PRKD3: variants seen among roughly 807,000 people sequenced by gnomAD.
The protein encoded by PRKD3 is protein kinase D3.
In PRKD3, 47 loss-of-function variants were observed where a neutral mutation model predicts 99.2. The ratio of observed to expected loss-of-function variants is 0.47; its 90% confidence interval spans 0.38 to 0.60. The LOEUF is 0.60. Ranked by LOEUF, PRKD3 falls within the 20% of genes least tolerant of loss-of-function variation. The pLI is 0.00. For missense variants in PRKD3, 1,019 were observed against 1,088.4 expected (o/e 0.94, Z 0.90); for synonymous variants, 392 against 355.4 (o/e 1.10, Z -1.16).
intron 9 of PRKD3, 47 bp from the exon 10 acceptor site, chr2:37,275,891 C>A: frequency 6.3e-7 from 1 of 1,578,482 alleles, no homozygotes; most frequent in African/African-American, 1.4e-5. Flanking sequence ...AATGATTCCT[C>A]CAAAGTGCTT....
rs867660713 is a variant in PRKD3, at chr2:37,299,480, T to G, written c.289-6209A>C. On this transcript the variant is annotated intron_variant, in intron 2 of 18. Transcript: ENST00000234179. ...GCTCAGGAGTTCGAGACTAGCCTGG[T>G]CAACATGGTGAAACCCCACCTCTAC... Among the ~76,000 whole-genome samples the G allele has an allele frequency of 2.7e-5, 4 of 149,098 alleles. 1 individual carries two copies. Among genetic ancestry groups the G allele is most frequent in the East Asian group, 2.0e-4 (1 of 5,072 alleles).
chr2:37,324,216 A>G, intron 1 of PRKD3: 1 of 985,492 alleles, frequency 1.0e-6, no homozygotes, highest in East Asian at 1.1e-4. Context: ...GACGACTACA[A>G]CGCAAAGTGA....
Position 37,302,951 on chromosome 2 carries a change from C to T in PRKD3, c.289-9680G>A, listed in dbSNP as rs1178574206. Among the ~76,000 whole-genome samples, 6 of 152,250 alleles carry T rather than the reference C, an allele frequency of 3.9e-5. No individual in the cohort carries two copies. The South Asian group carries it at 6.2e-4, about 16-fold the overall frequency. On this transcript the variant is annotated intron_variant, in intron 2 of 18. Coordinates refer to ENST00000234179, the MANE Select transcript of PRKD3 (RefSeq NM_005813.6). ...ACTTCTATCTCTGTTTGCCTGCTCT[C>T]TCCTGATTGGTTCTTTCTAAATGTC...
chr2:37,307,308 GAAAT>G (rs1179880123), intron 2 of PRKD3, among the ~76,000 whole-genome samples: 1 of 152,192 alleles, frequency 6.6e-6, no homozygotes, highest in East Asian at 1.9e-4. Flanking sequence ...AAAAGTTCAG[GAAAT>G]AAATAACTTT....
intron 2 of PRKD3, among the ~76,000 whole-genome samples, chr2:37,315,981 T>A (rs565989679): frequency 7.6e-4 from 115 of 152,228 alleles, no homozygotes; most frequent in Non-Finnish European, 1.3e-3. Context: ...TGCCTCAGCC[T>A]CCCAAAGTGC....
At chr2:37,283,900 C>CA (rs397872003) in intron 6 of PRKD3, among the ~76,000 whole-genome samples, 38,021 of 89,454 alleles carry the variant, frequency 0.43, 6,869 homozygotes, top group East Asian at 0.8. Flanking sequence ...GACTCTGTCT[C>CA]AAAAAAAAAA....
At chr2:37,292,799 C>T (rs1670496785) in intron 3 of PRKD3, among the ~76,000 whole-genome samples, 1 of 151,928 alleles carries the variant, frequency 6.6e-6, no homozygotes, top group African/African-American at 2.4e-5. Flanking sequence ...TTGCATGTGA[C>T]CATGCCTGGC....
chr2:37,318,507 C>G (rs1671753552), intron 1 of PRKD3, among the ~76,000 whole-genome samples: 1 of 152,194 alleles, frequency 6.6e-6, no homozygotes. Context: ...GCTGTCTCCA[C>G]AAGAACACAC....
Position 37,267,844 on chromosome 2 carries a change from G to A in PRKD3, c.1778-308C>T, listed in dbSNP as rs867905119. On this transcript the variant is annotated intron_variant, in intron 13 of 18. Coordinates refer to ENST00000234179, the MANE Select transcript of PRKD3 (RefSeq NM_005813.6). ...TTAATTACCCTGACCTAGTCCTTCA[G>A]AGACTCTGTCAAGATGGAAATACTG... 1.5e-5 allele frequency: 4 copies of A among 271,800 alleles called. No homozygotes were observed. The South Asian group carries it at 2.0e-4, about 13-fold the overall frequency. The allele number at this position is 271,800 out of a possible 1,614,324, so 16.8% of individuals were successfully genotyped here.
In PRKD3 at chr2:37,285,538, A is replaced by C. The variant is rs182477458; in HGVS notation, c.910+639T>G. On this transcript the variant is annotated intron_variant, in intron 6 of 18. Coordinates refer to ENST00000234179, the MANE Select transcript of PRKD3 (RefSeq NM_005813.6). ...AACTACATACTTAAAAACAAAAAAA[A>C]CCCAAAACTCTTGCAGTATGCTTAT... is the stretch of plus-strand genomic sequence containing the variant. 6.6e-5 allele frequency among the ~76,000 whole-genome samples: 10 copies of C among 152,320 alleles called. No individual in the cohort carries two copies. In the East Asian group the frequency reaches 7.7e-4, roughly 12 times the overall value.
chr2:37,302,687 CATT>C (rs1572690487), intron 2 of PRKD3, among the ~76,000 whole-genome samples: 1 of 152,078 alleles, frequency 6.6e-6, no homozygotes, highest in East Asian at 1.9e-4. Flanking sequence ...CTGAATTTAA[CATT>C]ATCTGAATGA....
chr2:37,260,395 G>T lies in PRKD3; in HGVS notation c.1885-11C>A. 2 of 1,605,248 alleles carry T rather than the reference G, an allele frequency of 1.2e-6. No individual in the cohort carries two copies. Among genetic ancestry groups the T allele is most frequent in the South Asian group, 1.1e-5 (1 of 90,860 alleles). Reference sequence around the variant, plus strand: ...AGGATGGTGCAAATTCTGAAGAGAGGTTGCAAGATACATGAGCAACTTAAG... The same window carrying T: ...AGGATGGTGCAAATTCTGAAGAGAGTTTGCAAGATACATGAGCAACTTAAG... On this transcript the variant is annotated splice_polypyrimidine_tract_variant and intron_variant, in intron 14 of 18. Coordinates refer to ENST00000234179, the MANE Select transcript of PRKD3 (RefSeq NM_005813.6).
intron 1 of PRKD3, among the ~76,000 whole-genome samples, chr2:37,318,492 C>T (rs750114572): frequency 3.9e-5 from 6 of 152,168 alleles, no homozygotes; most frequent in Non-Finnish European, 5.9e-5. Flanking sequence ...TACTTTCTTA[C>T]CAGTGCTGTC....
chr2:37,272,428 A>G lies in PRKD3; in HGVS notation c.1656T>C (p.Asp552=). 1 of 1,601,842 alleles carries G rather than the reference A, an allele frequency of 6.2e-7. No individual in the cohort carries two copies. Among genetic ancestry groups the G allele is most frequent in the Non-Finnish European group, 8.5e-7 (1 of 1,176,574 alleles). The part of the protein sequence containing the change: ...TSPGQGKDHK[D]LSTSISVSNC... ...TAGATACAGAGATACTTGTAGACAAATCTTCTGTAAAATATAAAAAAGACA... is the reference window on the plus strand; with the variant it reads ...TAGATACAGAGATACTTGTAGACAAGTCTTCTGTAAAATATAAAAAAGACA... Residue 552 remains aspartate, a synonymous_variant, in exon 12 of 19, where the codon GAT becomes GAC. Transcript: ENST00000234179.
intron 7 of PRKD3, among the ~76,000 whole-genome samples, chr2:37,280,558 A>G (rs1253704035): frequency 1.3e-5 from 2 of 152,216 alleles, no homozygotes; most frequent in Non-Finnish European, 2.9e-5. Context: ...TGGTGCTAGG[A>G]TAACTGTATA....
At chr2:37,268,017 A>G (rs1558536331) in intron 13 of PRKD3, 1 of 190,100 alleles carries the variant, frequency 5.3e-6, no homozygotes, top group Non-Finnish European at 1.1e-5. Context: ...TAGATATTAA[A>G]AAAAGGTAGA....
rs997297239 is a variant in PRKD3, at chr2:37,291,793, G to C, written c.428-794C>G. On this transcript the variant is annotated intron_variant, in intron 3 of 18. Transcript: ENST00000234179. ...CAAGAAAAGGCTCAAAGGTGAATTT[G>C]AGAAAAGGGAACTTGGTAGCAGGGC... Among the ~76,000 whole-genome samples, 3 of 152,322 alleles carry C rather than the reference G, an allele frequency of 2.0e-5. No homozygotes were observed. In the South Asian group the frequency reaches 6.2e-4, roughly 32 times the overall value.
In PRKD3 at chr2:37,292,590, C is replaced by T. The variant is rs1442912489; in HGVS notation, c.427+543G>A. Among the ~76,000 whole-genome samples the T allele has an allele frequency of 7.2e-5, 11 of 152,230 alleles. No homozygotes were observed. The East Asian group carries it at 1.4e-3, about 19-fold the overall frequency. On this transcript the variant is annotated intron_variant, in intron 3 of 18. Coordinates refer to ENST00000234179, the MANE Select transcript of PRKD3 (RefSeq NM_005813.6). Reference sequence around the variant, plus strand: ...CTTGATCTCCTGACCTCGTGATCCGCCCGCCTCGGCCTCCCAAAGTGCTGG... The same window carrying T: ...CTTGATCTCCTGACCTCGTGATCCGTCCGCCTCGGCCTCCCAAAGTGCTGG...
intron 16 of PRKD3, among the ~76,000 whole-genome samples, chr2:37,259,154 A>C (rs1209639807): frequency 6.6e-6 from 1 of 152,212 alleles, no homozygotes; most frequent in African/African-American, 2.4e-5. Flanking sequence ...GTGATGAGAA[A>C]TGTTATTTTA....
Sources: allele counts gnomAD v4.1 joint callset (sites outside exome capture counted in the v4.1 genomes callset), GRCh38; gene constraint gnomAD v4.1.1; transcripts MANE v1.5; gene names NCBI Gene and HGNC (gene_info 2026-07-23, HGNC 2026-07-21).